LIPK: variants seen among roughly 807,000 people sequenced by gnomAD.
The protein encoded by LIPK is lipase family member K, also known as lipase member K.
A neutral mutation model predicts 48.6 loss-of-function variants in LIPK; 32 were observed. The ratio of observed to expected loss-of-function variants is 0.66; its 90% CI spans 0.50 to 0.88. The LOEUF is 0.88. Ranked by LOEUF, LIPK falls within the 40% of genes least tolerant of loss-of-function variation. The pLI is 0.00. For synonymous variants in LIPK, 164 were observed against 157.4 expected (o/e 1.04, Z -0.32); for missense variants, 507 against 478.5 (o/e 1.06, Z -0.56).
chr10:88,745,087 A>G (rs1289876837), intron 9 of LIPK, among the ~76,000 whole-genome samples: 2 of 152,332 alleles, frequency 1.3e-5, no homozygotes, highest in South Asian at 2.1e-4. Flanking sequence ...TAAAGAAAAA[A>G]GAATTTAAAA....
At chr10:88,717,106 CAT>C (rs1473007488) in intron 1 of LIPK, among the ~76,000 whole-genome samples, 2 of 152,132 alleles carry the variant, frequency 1.3e-5, no homozygotes, top group Admixed American at 6.5e-5. Context: ...AGAGATCCCA[CAT>C]GTTTGATTCC....
At chr10:88,732,326 C>G (rs1283458372) in intron 5 of LIPK, 39 bp downstream of exon 5, 1 of 1,593,632 alleles carries the variant, frequency 6.3e-7, no homozygotes, top group East Asian at 2.2e-5. Flanking sequence ...ATGTCAGGGG[C>G]TCTTCTTCCA....
At chr10:88,731,854 C>A (rs1045521320) in intron 4 of LIPK, among the ~76,000 whole-genome samples, 1 of 152,198 alleles carries the variant, frequency 6.6e-6, no homozygotes, top group African/African-American at 2.4e-5. Context: ...TTATTCTCTC[C>A]TTTAGATAAG....
intron 1 of LIPK, among the ~76,000 whole-genome samples, chr10:88,715,648 G>A (rs1031385781): frequency 1.3e-5 from 2 of 151,504 alleles, no homozygotes; most frequent in Non-Finnish European, 3.0e-5. Flanking sequence ...GTAATTTTTG[G>A]TACAGTTTTG....
intron 9 of LIPK, among the ~76,000 whole-genome samples, chr10:88,746,558 C>A (rs916987730): frequency 1.3e-5 from 2 of 152,132 alleles, no homozygotes; most frequent in African/African-American, 4.8e-5. Flanking sequence ...TCAAGAAATT[C>A]TTTGAAACTA....
At chr10:88,716,140 G>A (rs2134692295) in intron 1 of LIPK, among the ~76,000 whole-genome samples, 1 of 151,984 alleles carries the variant, frequency 6.6e-6, no homozygotes, top group Non-Finnish European at 1.5e-5. Flanking sequence ...TGAAAAACCA[G>A]GCAGGAGACC....
chr10:88,733,313 G>A (rs181220678), intron 6 of LIPK, among the ~76,000 whole-genome samples: 47 of 152,226 alleles, frequency 3.1e-4, no homozygotes, highest in African/African-American at 1.1e-3. Flanking sequence ...GCATTGCATG[G>A]GTTGGTGTGT....
chr10:88,716,162 A>G (rs1156547439), intron 1 of LIPK, among the ~76,000 whole-genome samples: 4 of 152,160 alleles, frequency 2.6e-5, no homozygotes, highest in Non-Finnish European at 4.4e-5. Context: ...GTATAATGAT[A>G]TAAGATATTA....
At chr10:88,751,864 T>G (rs959965371) in intron 9 of LIPK, among the ~76,000 whole-genome samples, 2 of 152,158 alleles carry the variant, frequency 1.3e-5, no homozygotes, top group African/African-American at 2.4e-5. Flanking sequence ...CCAGTTTTAG[T>G]CACGTGCCCA....
At chr10:88,745,711 G>C (rs1248426063) in intron 9 of LIPK, among the ~76,000 whole-genome samples, 1 of 152,144 alleles carries the variant, frequency 6.6e-6, no homozygotes, top group Non-Finnish European at 1.5e-5. Context: ...CTAGAAAGCA[G>C]CTACATAATC....
At position 88,743,732 on chromosome 10, in the gene LIPK, G is replaced by A. The variant is rs566718272; in HGVS notation, c.960+411G>A. Reference sequence around the variant, plus strand: ...TTGAGAGTGAATGGAGGTAGGATGTGGAGCCTGGGCTAGAGGGAGGATTCT... The same window carrying A: ...TTGAGAGTGAATGGAGGTAGGATGTAGAGCCTGGGCTAGAGGGAGGATTCT... On this transcript the variant is annotated intron_variant, in intron 9 of 9. Transcript: ENST00000404190. Among the ~76,000 whole-genome samples, 8 of 152,296 alleles carry A rather than the reference G, an allele frequency of 5.3e-5. 1 individual carries two copies. The South Asian group carries it at 1.5e-3, about 28-fold the overall frequency.
rs1021766894 is a variant in LIPK, at chr10:88,714,478, G to T, written c.-12+8158G>T. Among the ~76,000 whole-genome samples the T allele has an allele frequency of 3.9e-4, 60 of 152,008 alleles. 1 individual carries two copies. The highest frequency in any genetic ancestry group is 1.2e-4 in the Non-Finnish European group (8 of 67,992). ...GTCGATGAGTGTAATAATTTCTTCC[G>T]CATATTAGATAGGATGCTCACCAAT... is the stretch of plus-strand genomic sequence containing the variant. On this transcript the variant is annotated intron_variant, in intron 1 of 9. Transcript: ENST00000404190.
chr10:88,716,110 G>C (rs572872329), intron 1 of LIPK, among the ~76,000 whole-genome samples: 2 of 151,784 alleles, frequency 1.3e-5, no homozygotes, highest in East Asian at 1.9e-4. Flanking sequence ...ATAACGATTC[G>C]ACTCATAAAG....
At chr10:88,734,899 A>G (rs967744833) in intron 6 of LIPK, among the ~76,000 whole-genome samples, 2 of 152,162 alleles carry the variant, frequency 1.3e-5, no homozygotes, top group African/African-American at 4.8e-5. Context: ...CATCAGCCAG[A>G]TGCTCGCAGG....
At chr10:88,710,236 C>G (rs966885272) in intron 1 of LIPK, among the ~76,000 whole-genome samples, 1 of 151,986 alleles carries the variant, frequency 6.6e-6, no homozygotes, top group Non-Finnish European at 1.5e-5. Context: ...AAAAAGATCC[C>G]TCTCCAAGTT....
intron 1 of LIPK, among the ~76,000 whole-genome samples, chr10:88,714,041 G>A (rs547108348): frequency 4.0e-5 from 6 of 151,840 alleles, no homozygotes; most frequent in Admixed American, 1.3e-4. Context: ...TTTCTCTTTC[G>A]ATTTATTTTA....
In LIPK at chr10:88,737,777, A is replaced by G; in HGVS notation, c.812A>G (p.Asn271Ser). 1 of 1,613,750 alleles carries G rather than the reference A, an allele frequency of 6.2e-7. No individual in the cohort carries two copies. Among genetic ancestry groups the G allele is most frequent in the South Asian group, 1.1e-5 (1 of 91,058 alleles). The change falls in exon 7 of 10, where the codon AAT becomes AGT. Residue 271 changes from asparagine to serine, a missense_variant. By Grantham distance (46) the Asn-to-Ser change is conservative. Coordinates refer to ENST00000404190, the MANE Select transcript of LIPK (RefSeq NM_001080518.2). ...AGTGGATTTGATCCGCAAAACTTAA[A>G]TATGGTAGGTGTAAGTAATTGGGTC... is the stretch of plus-strand genomic sequence containing the variant. ...TLSGFDPQNL[N>S]MSRLDVYLSH...
At chr10:88,723,940 T>A (rs1204857396) in intron 1 of LIPK, among the ~76,000 whole-genome samples, 1 of 152,106 alleles carries the variant, frequency 6.6e-6, no homozygotes, top group East Asian at 1.9e-4. Flanking sequence ...ATAATTTAGG[T>A]CAACAGTCTC....
chr10:88,744,094 T>C (rs1842729419), intron 9 of LIPK, among the ~76,000 whole-genome samples: 1 of 152,216 alleles, frequency 6.6e-6, no homozygotes, highest in Non-Finnish European at 1.5e-5. Flanking sequence ...AACAGGGCTA[T>C]CTTACCCACG....
Sources: gnomAD v4.1 joint callset for allele counts (sites outside exome capture counted in the v4.1 genomes callset) on GRCh38, gnomAD v4.1.1 for gene constraint, MANE v1.5 for transcripts, NCBI Gene and HGNC (gene_info 2026-07-23, HGNC 2026-07-21) for gene names.